Variants in GP6 observed in about 807,000 individuals in gnomAD.
GP6 encodes platelet glycoprotein VI.
GP6 carries 45 observed loss-of-function variants against 37.3 expected under a neutral mutation model. The observed-to-expected ratio is 1.21, with a 90% CI of 0.95 to 1.55. The LOEUF (loss-of-function observed/expected upper bound fraction) is 1.55. Ranked by LOEUF, GP6 falls within the 40% of genes most tolerant of loss-of-function variation. The pLI is 0.00. For missense variants in GP6, 813 were observed against 760.2 expected, an observed-to-expected ratio of 1.07 and a Z score of -0.82; for synonymous variants, 340 against 316.4, an observed-to-expected ratio of 1.07 and a Z score of -0.79.
chr19:55,029,565 T>C (rs1478363950), intron 3 of GP6, among the ~76,000 whole-genome samples: 1 of 150,072 alleles, frequency 6.7e-6, no homozygotes, highest in African/African-American at 2.5e-5. Context: ...TAATTTTGTA[T>C]GTTTAGTAGA....
At chr19:55,034,642 A>G (rs920177469) in intron 1 of GP6, among the ~76,000 whole-genome samples, 4 of 148,434 alleles carry the variant, frequency 2.7e-5, no homozygotes, top group Non-Finnish European at 4.4e-5. Context: ...GAGGAGGAGG[A>G]AAAAAAAAGT....
chr19:55,029,797 A>G (rs114280971), intron 3 of GP6, among the ~76,000 whole-genome samples: 1 of 151,518 alleles, frequency 6.6e-6, no homozygotes, highest in Non-Finnish European at 1.5e-5. Context: ...ATACTTAGCG[A>G]GAAGAGAGTA....
rs745470892 is a variant in GP6 at position 55,014,804 on chromosome 19, G to A, written c.1141C>T (p.Arg381Ter). ...CACCAGGAGGAGGCAGCATGGCCTC[G>A]TTTCCACAGCTGTAGCCTCTGCCCT... is the stretch of plus-strand genomic sequence containing the variant. The change falls in exon 8 of 8, where the codon CGA (arginine) becomes TGA (stop). Residue 381 changes from arginine to a stop codon, truncating the protein, a stop_gained. Coordinates refer to ENST00000310373, the MANE Select transcript of GP6 (RefSeq NM_001083899.2). LOFTEE classifies it low-confidence loss of function (END_TRUNC). The A allele has an allele frequency of 1.6e-5, 26 of 1,613,884 alleles. No homozygotes were observed. The highest frequency in any genetic ancestry group is 8.8e-5 in the South Asian group (8 of 91,030).
At position 55,015,715 on chromosome 19, in the gene GP6, G is replaced by A; in HGVS notation, c.743C>T (p.Thr248Ile). 1 of 1,563,860 alleles carries A rather than the reference G, an allele frequency of 6.4e-7. No homozygotes were observed. The change falls in exon 7 of 8, where the codon ACC becomes ATC. Residue 248 changes from threonine to isoleucine, a missense_variant. Thr to Ile is a moderately conservative substitution (Grantham distance 89). Transcript: ENST00000310373. The stretch of plus-strand genomic sequence containing the variant: ...AGAGTCTGACTCCTTTGGACTGGCG[G>A]TGATACTCCTAGAAGTCTCTGGGAA...
In GP6 at chr19:55,032,513, C is replaced by T. The variant is rs201025246; in HGVS notation, c.60G>A (p.Ala20=). Residue 20 remains alanine (A), a synonymous_variant, in exon 2 of 8, where the codon GCG becomes GCA. Transcript: ENST00000310373. ...GTCTGGGGAAGGACTCACCACTCTGCGCTGGCACACGCCCCAGACACAGCC... is the reference window on the plus strand; with the variant it reads ...GTCTGGGGAAGGACTCACCACTCTGTGCTGGCACACGCCCCAGACACAGCC... The T allele has an allele frequency of 1.4e-4, 229 of 1,613,834 alleles. No individual in the cohort carries two copies. The highest frequency in any genetic ancestry group is 3.7e-4 in the African/African-American group (28 of 75,064).
intron 6 of GP6, among the ~76,000 whole-genome samples, chr19:55,018,124 T>C (rs1173024977): frequency 6.6e-6 from 1 of 152,042 alleles, no homozygotes; most frequent in East Asian, 1.9e-4. Context: ...GCCAGAGTCA[T>C]GTGGGCCCAG....
At position 55,032,511 on chromosome 19, in the gene GP6, T is replaced by C. The variant is rs778679076; in HGVS notation, c.62A>G (p.Gln21Arg). Residue 21 changes from glutamine (Q) to arginine (R), a missense_variant, in exon 2 of 8, where the codon CAG becomes CGG. By Grantham distance (43) the Gln-to-Arg change is conservative. Coordinates refer to ENST00000310373, the MANE Select transcript of GP6 (RefSeq NM_001083899.2). Reference sequence around the variant, plus strand: ...GGGTCTGGGGAAGGACTCACCACTCTGCGCTGGCACACGCCCCAGACACAG... The same window carrying C: ...GGGTCTGGGGAAGGACTCACCACTCCGCGCTGGCACACGCCCCAGACACAG... The C allele has an allele frequency of 1.9e-6, 3 of 1,613,872 alleles. No homozygotes were observed. The highest frequency in any genetic ancestry group is 2.2e-5 in the East Asian group (1 of 44,880).
chr19:55,021,363 CAAAAAAAA>C (rs71181728), intron 5 of GP6, among the ~76,000 whole-genome samples: 1 of 142,024 alleles, frequency 7.0e-6, no homozygotes, highest in Non-Finnish European at 1.5e-5. Context: ...TACTACATCT[CAAAAAAAA>C]AAAAAAGGAA....
At chr19:55,019,099 T>TTTCTTTTC (rs1568600083) in intron 5 of GP6, among the ~76,000 whole-genome samples, 1 of 72,414 alleles carries the variant, frequency 1.4e-5, no homozygotes. Context: ...GACTTCTTTC[T>TTTCTTTTC]TTTTTTTCTT....
chr19:55,015,463 G>A lies in GP6; in HGVS notation c.779+216C>T, dbSNP rs571776168. Among the ~76,000 whole-genome samples the A allele has an allele frequency of 3.3e-5, 5 of 152,274 alleles. No individual in the cohort carries two copies. The East Asian group carries it at 9.7e-4, about 29-fold the overall frequency. ...AGAGAGGACAGTTATAAGGGGTGGG[G>A]AAGAGATGGAATCTCTCTTTCTCTG... On this transcript the variant is annotated intron_variant, in intron 7 of 7. Coordinates refer to ENST00000310373, the MANE Select transcript of GP6 (RefSeq NM_001083899.2).
At chr19:55,019,901 A>G (rs2074015929) in intron 5 of GP6, among the ~76,000 whole-genome samples, 1 of 151,790 alleles carries the variant, frequency 6.6e-6, no homozygotes, top group Admixed American at 6.6e-5. Context: ...GATGGTCTCG[A>G]TCTCCTGACC....
At chr19:55,035,325 T>C (rs1052838603) in intron 1 of GP6, among the ~76,000 whole-genome samples, 14 of 152,160 alleles carry the variant, frequency 9.2e-5, no homozygotes, top group Non-Finnish European at 1.5e-4. Flanking sequence ...ACAGTTTCAG[T>C]TGGACAAGAG....
chr19:55,032,157 G>T lies in GP6; in HGVS notation c.307C>A (p.Leu103Met). 1 of 1,613,972 alleles carries T rather than the reference G, an allele frequency of 6.2e-7. No homozygotes were observed. The highest frequency in any genetic ancestry group is 8.5e-7 in the Non-Finnish European group (1 of 1,179,924). ...CCTTTACCCGTGGCAACGAGCTCCAGCTGGTCGCTGGGCAGGGACCAGAGG... is the reference window on the plus strand; with the variant it reads ...CCTTTACCCGTGGCAACGAGCTCCATCTGGTCGCTGGGCAGGGACCAGAGG... The change falls in exon 3 of 8, where the codon CTG becomes ATG. Residue 103 changes from leucine to methionine, a missense_variant. Coordinates refer to ENST00000310373, the MANE Select transcript of GP6 (RefSeq NM_001083899.2).
At chr19:55,020,728 A>T (rs973190881) in intron 5 of GP6, among the ~76,000 whole-genome samples, 26 of 152,112 alleles carry the variant, frequency 1.7e-4, no homozygotes, top group African/African-American at 6.3e-4. Context: ...TCCTTTGGGT[A>T]TATAACCAGT....
chr19:55,025,831 G>C (rs918388761), intron 4 of GP6, among the ~76,000 whole-genome samples: 3 of 151,922 alleles, frequency 2.0e-5, no homozygotes, highest in Non-Finnish European at 4.4e-5. Context: ...GTGAAACCCT[G>C]TCTCTACGAA....
intron 6 of GP6, among the ~76,000 whole-genome samples, chr19:55,017,149 C>A (rs1289800431): frequency 6.7e-6 from 1 of 149,720 alleles, no homozygotes; most frequent in Non-Finnish European, 1.5e-5. Flanking sequence ...CGGAGTCTCA[C>A]TCTGTTGCCC....
chr19:55,024,896 TGG>T (rs1242673275), intron 5 of GP6, among the ~76,000 whole-genome samples: 41 of 152,058 alleles, frequency 2.7e-4, no homozygotes, highest in African/African-American at 9.4e-4. Context: ...GTTGGTTGGT[TGG>T]TTGGTTGGTT....
At chr19:55,034,631 A>AGAG (rs986883277) in intron 1 of GP6, among the ~76,000 whole-genome samples, 1 of 151,814 alleles carries the variant, frequency 6.6e-6, no homozygotes, top group South Asian at 2.1e-4. Flanking sequence ...CAGAAAACGA[A>AGAG]GAGGAGGAGG....
At chr19:55,029,693 A>C (rs1029683779) in intron 3 of GP6, among the ~76,000 whole-genome samples, 95 of 145,304 alleles carry the variant, frequency 6.5e-4, no homozygotes, top group Non-Finnish European at 2.2e-4. Flanking sequence ...CCCGACCAGG[A>C]ATTAAAAATA....
Sources: allele counts gnomAD v4.1 joint callset (sites outside exome capture counted in the v4.1 genomes callset), GRCh38; gene constraint gnomAD v4.1.1; transcripts MANE v1.5; gene names NCBI Gene and HGNC (gene_info 2026-07-23, HGNC 2026-07-21).